Variants in PITPNM3 observed in about 807,000 individuals in gnomAD.
PITPNM3 encodes the protein membrane-associated phosphatidylinositol transfer protein 3.
Under a neutral mutation model 102.0 loss-of-function variants are expected in PITPNM3, and 26 were observed. That is an observed-to-expected ratio of 0.25 (90% confidence interval 0.19 to 0.35). The LOEUF (loss-of-function observed/expected upper bound fraction) is 0.35. Ranked by LOEUF, PITPNM3 falls within the 10% of genes least tolerant of loss-of-function variation. The pLI is 1.00. For synonymous variants in PITPNM3, 578 were observed against 558.6 expected (o/e 1.03, Z -0.49); for missense variants, 1,083 against 1,346.1 (o/e 0.80, Z 3.06).
intron 5 of PITPNM3, 146 bp from the exon 6 acceptor site, chr17:6,483,898 T>C: frequency 5.1e-6 from 4 of 779,860 alleles, no homozygotes; most frequent in Non-Finnish European, 8.7e-6. Context: ...GCAGGCACTA[T>C]GTCCAGCCTG....
At position 6,478,549 on chromosome 17, in the gene PITPNM3, G is replaced by T. The variant is rs1226552548; in HGVS notation, c.775C>A (p.Gln259Lys). 6 of 1,613,844 alleles carry T rather than the reference G, an allele frequency of 3.7e-6. No individual in the cohort carries two copies. Among genetic ancestry groups the T allele is most frequent in the Non-Finnish European group, 3.4e-6 (4 of 1,179,982 alleles). The change falls in exon 7 of 20, where the codon CAG becomes AAG. Residue 259 changes from glutamine to lysine, a missense_variant and splice_region_variant. By Grantham distance (53) the Gln-to-Lys change is moderately conservative (BLOSUM62 1). Around this residue, in one of 5 missense-constraint regions of PITPNM3, gnomAD observed 3 missense variants for 16.1 expected, o/e 0.19. Transcript: ENST00000262483. This position sits in a 1 kb window ranked among gnomAD's most constrained non-coding sequence, Gnocchi z 4.4. ...GAGGAGAGGGCAGGCTGTCCTACCT[G>T]CCCACTGAAGCCAATCCCATCAGAG... ...KSSDGIGFSGQVCLIGDCVGG... is the reference protein window; with the variant it reads ...KSSDGIGFSGKVCLIGDCVGG...
intron 4 of PITPNM3, among the ~76,000 whole-genome samples, chr17:6,491,833 AT>A (rs1417813427): frequency 1.7e-4 from 19 of 111,470 alleles, no homozygotes; most frequent in African/African-American, 3.3e-4. Flanking sequence ...ATATATATAT[AT>A]ATAATAAAGA....
chr17:6,522,403 A>G (rs1464727988), intron 3 of PITPNM3, among the ~76,000 whole-genome samples: 3 of 152,164 alleles, frequency 2.0e-5, no homozygotes, highest in African/African-American at 7.2e-5. Context: ...TAGGGAGAGA[A>G]AAGGTAAAAT....
Position 6,525,371 on chromosome 17 carries a change from G to T in PITPNM3, c.211C>A (p.Leu71Met). Reference protein sequence around the residue: ...LVEQIETMGKLDEHQGEGTAP... With the variant: ...LVEQIETMGKMDEHQGEGTAP... ...AGAGTCTCACCTTGATGCTCGTCCA[G>T]TTTCCCCATGGTCTCGATCTGCTCC... The change falls in exon 3 of 20, where the codon CTG becomes ATG. Residue 71 changes from leucine to methionine, a missense_variant. Leu to Met is a conservative substitution (Grantham distance 15). Coordinates refer to ENST00000262483, the MANE Select transcript of PITPNM3 (RefSeq NM_031220.4). 2.5e-6 allele frequency: 4 copies of T among 1,614,118 alleles called. No homozygotes were observed. Among genetic ancestry groups the T allele is most frequent in the Non-Finnish European group, 2.5e-6 (3 of 1,179,978 alleles).
rs1913907952 is a variant in PITPNM3 at position 6,452,943 on chromosome 17, G to GCTCTCTCTCTTCCT, written c.*2394_*2395insAGGAAGAGAGAGAG. ...ATTCCCCAGGGATCCTGGCTCATGA[G>GCTCTCTCTCTTCCT]CTCTCTCTCTCTCTTCCTCTCTCTC... is the stretch of plus-strand genomic sequence containing the variant. On this transcript the variant is annotated 3_prime_UTR_variant, in exon 20 of 20. Transcript: ENST00000262483. 1.3e-5 allele frequency: 2 copies of GCTCTCTCTCTTCCT among 150,308 alleles called. No individual in the cohort carries two copies. The highest frequency in any genetic ancestry group is 4.9e-5 in the African/African-American group (2 of 40,412). The allele number at this position is 150,308 out of a possible 1,614,324, so 9.3% of individuals were successfully genotyped here. A position where few individuals can be genotyped will look rare whatever the true frequency, so the allele number is the denominator to read the frequency against.
At chr17:6,522,286 G>GCGCGCGCACACA (rs145090085) in intron 3 of PITPNM3, among the ~76,000 whole-genome samples, 9 of 149,218 alleles carry the variant, frequency 6.0e-5, no homozygotes, top group African/African-American at 2.2e-4. Flanking sequence ...TTTAGTGTGC[G>GCGCGCGCACACA]CACACACACA....
intron 8 of PITPNM3, among the ~76,000 whole-genome samples, chr17:6,477,548 CTTT>C (rs1002758322): frequency 6.6e-6 from 1 of 151,784 alleles, no homozygotes; most frequent in African/African-American, 2.4e-5. Flanking sequence ...TCTTCTTCTT[CTTT>C]TTTTTCCTTT....
intron 4 of PITPNM3, among the ~76,000 whole-genome samples, chr17:6,492,460 C>T (rs868551668): frequency 6.6e-6 from 1 of 152,194 alleles, no homozygotes. Context: ...CCCTCAGGAG[C>T]TGACAGGCTA....
intron 1 of PITPNM3, among the ~76,000 whole-genome samples, chr17:6,544,853 ACACACACACAC>A: frequency 7.5e-5 from 2 of 26,844 alleles, no homozygotes; most frequent in East Asian, 3.2e-3. Flanking sequence ...GCAGCCACAC[ACACACACACAC>A]TCACACACAC....
At chr17:6,512,999 T>C (rs1252231538) in intron 3 of PITPNM3, among the ~76,000 whole-genome samples, 3 of 150,732 alleles carry the variant, frequency 2.0e-5, no homozygotes. Context: ...TATGTGAAAA[T>C]CAATCGATGT....
In PITPNM3 at chr17:6,455,090, G is replaced by A. The variant is rs954133378; in HGVS notation, c.*248C>T. On this transcript the variant is annotated 3_prime_UTR_variant, in exon 20 of 20. Coordinates refer to ENST00000262483, the MANE Select transcript of PITPNM3 (RefSeq NM_031220.4). ...GACACAAACATGAACCCTGACTTGGGCTTGCGGTCGCAGGCCCGTGGGAGG... is the reference window on the plus strand; with the variant it reads ...GACACAAACATGAACCCTGACTTGGACTTGCGGTCGCAGGCCCGTGGGAGG... The A allele has an allele frequency of 5.1e-5, 28 of 544,842 alleles. No homozygotes were observed. In the African/African-American group the frequency reaches 5.4e-4, roughly 11 times the overall value. The allele number at this position is 544,842 out of a possible 1,614,324, so 33.8% of individuals were successfully genotyped here. A position where few individuals can be genotyped will look rare whatever the true frequency, so the allele number is the denominator to read the frequency against.
chr17:6,484,303 A>C lies in PITPNM3; in HGVS notation c.275-11T>G. On this transcript the variant is annotated splice_polypyrimidine_tract_variant and intron_variant, in intron 4 of 19. Coordinates refer to ENST00000262483, the MANE Select transcript of PITPNM3 (RefSeq NM_031220.4). ...CCCGGTACAGTTCTCCTGCAGAGGG[A>C]AAGAGGGGAGCTCAGCATCTCCAGG... The C allele has an allele frequency of 6.3e-7, 1 of 1,591,482 alleles. No homozygotes were observed. Among genetic ancestry groups the C allele is most frequent in the Non-Finnish European group, 8.6e-7 (1 of 1,159,650 alleles).
At chr17:6,546,513 C>T (rs897511238) in intron 1 of PITPNM3, among the ~76,000 whole-genome samples, 1 of 152,234 alleles carries the variant, frequency 6.6e-6, no homozygotes, top group African/African-American at 2.4e-5. Context: ...GGCCATAGAC[C>T]GAGTTACAAC....
Position 6,455,635 on chromosome 17 carries a change from G to T in PITPNM3, c.2628C>A (p.Ser876Arg). Residue 876 changes from serine (S) to arginine (R), a missense_variant, in exon 20 of 20, where the codon AGC becomes AGA. By Grantham distance (110) the Ser-to-Arg change is moderately radical. Transcript: ENST00000262483. The part of the protein sequence containing the change: ...KKYQTQCQFL[S>R]EGYAAHLAAL... ...CGGCCAGGTGTGCGGCGTAGCCCTC[G>T]CTCAGGAACTGCGGAGGGCAGGGGA... is the stretch of plus-strand genomic sequence containing the variant. The T allele has an allele frequency of 6.4e-7, 1 of 1,571,278 alleles. No individual in the cohort carries two copies. The highest frequency in any genetic ancestry group is 2.3e-5 in the East Asian group (1 of 43,814).
intron 4 of PITPNM3, among the ~76,000 whole-genome samples, chr17:6,492,716 G>T (rs1163544683): frequency 6.6e-6 from 1 of 152,058 alleles, no homozygotes; most frequent in Non-Finnish European, 1.5e-5. Flanking sequence ...AATTAGTTGG[G>T]CATGGTGGCG....
chr17:6,472,708 C>T lies in PITPNM3; in HGVS notation c.1378G>A (p.Val460Met), dbSNP rs751748373. 1.9e-6 allele frequency: 3 copies of T among 1,613,984 alleles called. No individual in the cohort carries two copies. The highest frequency in any genetic ancestry group is 1.7e-4 in the Middle Eastern group (1 of 6,014). The part of the protein sequence containing the change: ...PKFHLVPPVS[V>M]PRYQRFPLGD... The stretch of plus-strand genomic sequence containing the variant: ...AGTGGGAACCTCTGGTAGCGAGGCA[C>T]GCTGACAGGCGGCACCAGGTGGAAC... The change falls in exon 11 of 20, where the codon GTG (valine) becomes ATG (methionine). Residue 460 changes from valine to methionine, a missense_variant. Transcript: ENST00000262483. This position sits in a 1 kb window ranked among gnomAD's most constrained non-coding sequence, Gnocchi z 4.1.
In PITPNM3 at chr17:6,483,533, A is replaced by C. The variant is rs1480054425; in HGVS notation, c.571T>G (p.Phe191Val). 6.2e-7 allele frequency: 1 copy of C among 1,613,870 alleles called. No homozygotes were observed. Among genetic ancestry groups the C allele is most frequent in the African/African-American group, 1.3e-5 (1 of 75,012 alleles). Residue 191 changes from phenylalanine (F) to valine (V), a missense_variant, in exon 6 of 20, where the codon TTC (phenylalanine) becomes GTC (valine). Coordinates refer to ENST00000262483, the MANE Select transcript of PITPNM3 (RefSeq NM_031220.4). ...TGGACTCACTGAGAGACAAGCGAGA[A>C]AGCCTCAGAGCAGATGGCAGGACAG... is the stretch of plus-strand genomic sequence containing the variant. Reference protein sequence around the residue: ...VPCPAICSEAFSLVSHLNPYS... With the variant: ...VPCPAICSEAVSLVSHLNPYS...
chr17:6,550,481 C>G (rs775269984), intron 1 of PITPNM3, among the ~76,000 whole-genome samples: 47 of 152,136 alleles, frequency 3.1e-4, no homozygotes, highest in Non-Finnish European at 6.0e-4. Context: ...CAGGAAGTCC[C>G]CAGTCCCTAA....
rs1904983578 is a variant in PITPNM3 at position 6,469,989 on chromosome 17, G to C, written c.1773+271C>G. 1.3e-5 allele frequency among the ~76,000 whole-genome samples: 2 copies of C among 152,180 alleles called. No individual in the cohort carries two copies. The highest frequency in any genetic ancestry group is 4.1e-4 in the South Asian group (2 of 4,830). Reference sequence around the variant, plus strand: ...AACTGACTACTCCAGTCTCCAAGTTGAAACACTGGGACACTCTCCTGCGTA... The same window carrying C: ...AACTGACTACTCCAGTCTCCAAGTTCAAACACTGGGACACTCTCCTGCGTA... On this transcript the variant is annotated intron_variant, in intron 13 of 19. Coordinates refer to ENST00000262483, the MANE Select transcript of PITPNM3 (RefSeq NM_031220.4). This position sits in a 1 kb window ranked among gnomAD's most constrained non-coding sequence, Gnocchi z 4.0.
Sources: gnomAD v4.1 joint callset for allele counts (sites outside exome capture counted in the v4.1 genomes callset) on GRCh38, gnomAD v4.1.1 for gene constraint, gnomAD v4.1.1 regional missense constraint, Gnocchi (gnomAD v3.1) non-coding constraint, MANE v1.5 for transcripts, NCBI Gene and HGNC (gene_info 2026-07-23, HGNC 2026-07-21) for gene names.